Variants in FYN observed in about 807,000 individuals in gnomAD.
The protein encoded by FYN is tyrosine-protein kinase Fyn.
FYN carries 10 observed loss-of-function variants against 70.2 expected under a neutral mutation model. That is an observed-to-expected ratio of 0.14 (90% confidence interval 0.09 to 0.24). The LOEUF is 0.24. Ranked by LOEUF, FYN falls within the 10% of genes least tolerant of loss-of-function variation. The probability of loss-of-function intolerance (pLI) is 1.00; values close to 1 mark genes in which losing one functional copy is unlikely to be tolerated. For missense variants in FYN, 319 were observed against 673.1 expected, an observed-to-expected ratio of 0.47 and a Z score of 5.82; for synonymous variants, 236 against 248.6, an observed-to-expected ratio of 0.95 and a Z score of 0.48.
chr6:111,713,347 C>G, intron 5 of FYN, among the ~76,000 whole-genome samples: 1 of 152,178 alleles, frequency 6.6e-6, no homozygotes, highest in South Asian at 2.1e-4. Flanking sequence ...TCTGGGAAAG[C>G]TGAGGAGCCT....
At chr6:111,718,342 C>G (rs956870464) in intron 4 of FYN, among the ~76,000 whole-genome samples, 2 of 152,232 alleles carry the variant, frequency 1.3e-5, no homozygotes, top group African/African-American at 4.8e-5. Flanking sequence ...GCAGAAAAAT[C>G]TGCCAACATT....
intron 2 of FYN, among the ~76,000 whole-genome samples, chr6:111,809,838 T>A (rs1295667087): frequency 6.6e-6 from 1 of 152,230 alleles, no homozygotes; most frequent in Non-Finnish European, 1.5e-5. Flanking sequence ...GGAAAATATA[T>A]ATTTTCCCTT....
rs1478073622 is a variant in FYN, at chr6:111,694,430, A to G, written c.1218T>C (p.Ile406=). Residue 406 remains isoleucine (I), a synonymous_variant, in exon 12 of 14, where the codon ATT becomes ATC. Transcript: ENST00000354650. The surrounding 1 kb of genome is among the most constrained non-coding windows in gnomAD (Gnocchi z 5.0). ...TCAATCGGGCCAATCCGAAGTCAGC[A>G]ATCTTGCATATGAGTCCATTCCCCA... The part of the protein sequence containing the change: ...ILVGNGLICK[I]ADFGLARLIE... 1.9e-6 allele frequency: 3 copies of G among 1,614,236 alleles called. No homozygotes were observed. The highest frequency in any genetic ancestry group is 1.7e-6 in the Non-Finnish European group (2 of 1,180,038).
chr6:111,773,310 A>C (rs1412793776), intron 3 of FYN, among the ~76,000 whole-genome samples: 1 of 103,966 alleles, frequency 9.6e-6, no homozygotes, highest in Admixed American at 1.1e-4. Flanking sequence ...GGAGGGAGGG[A>C]AAGAGGGGAG....
At chr6:111,690,269 G>T (rs1488377652) in intron 12 of FYN, among the ~76,000 whole-genome samples, 3 of 152,110 alleles carry the variant, frequency 2.0e-5, no homozygotes, top group African/African-American at 4.8e-5. Flanking sequence ...GTGCAGTGGT[G>T]GGGTAGGGAG....
intron 2 of FYN, among the ~76,000 whole-genome samples, chr6:111,832,555 T>C (rs1164249168): frequency 6.6e-6 from 1 of 152,168 alleles, no homozygotes; most frequent in Non-Finnish European, 1.5e-5. Context: ...TGCTTTTTTT[T>C]CTATTTAACA....
intron 12 of FYN, among the ~76,000 whole-genome samples, chr6:111,677,653 T>C (rs1003012270): frequency 2.0e-5 from 3 of 152,216 alleles, no homozygotes; most frequent in African/African-American, 7.2e-5. Context: ...GTTAGGAGAC[T>C]TCAGACACCT....
intron 2 of FYN, among the ~76,000 whole-genome samples, chr6:111,801,165 G>A (rs900024415): frequency 2.0e-5 from 3 of 152,176 alleles, no homozygotes; most frequent in East Asian, 1.9e-4. Flanking sequence ...TGTGTGCACC[G>A]CTGGCGATGC....
At chr6:111,829,886 T>C (rs1772961914) in intron 2 of FYN, among the ~76,000 whole-genome samples, 1 of 152,104 alleles carries the variant, frequency 6.6e-6, no homozygotes, top group African/African-American at 2.4e-5. Context: ...CAGATCACTG[T>C]CTCCATGCTC....
intron 3 of FYN, among the ~76,000 whole-genome samples, chr6:111,721,116 T>C (rs377207201): frequency 6.6e-6 from 1 of 152,182 alleles, no homozygotes; most frequent in Non-Finnish European, 1.5e-5. Context: ...GACGTATCCA[T>C]GTCCTAGTTA....
chr6:111,676,854 A>T (rs1798547158), intron 12 of FYN, among the ~76,000 whole-genome samples: 1 of 152,206 alleles, frequency 6.6e-6, no homozygotes. Flanking sequence ...GTGACTATTT[A>T]AAATTTGGAT....
chr6:111,809,747 T>C lies in FYN; in HGVS notation c.-81-29112A>G, dbSNP rs539516749. 4.7e-4 allele frequency among the ~76,000 whole-genome samples: 72 copies of C among 152,344 alleles called. 1 individual carries two copies. The highest frequency in any genetic ancestry group is 3.4e-3 in the Middle Eastern group (1 of 294). On this transcript the variant is annotated intron_variant, in intron 2 of 13. Transcript: ENST00000354650. The stretch of plus-strand genomic sequence containing the variant: ...CTTATTGATTTTAATGGTTATCATT[T>C]CTATCAAAGAATATCGGTTTTCTAC...
intron 6 of FYN, among the ~76,000 whole-genome samples, chr6:111,705,165 G>A (rs963780535): frequency 5.3e-5 from 8 of 152,108 alleles, no homozygotes; most frequent in African/African-American, 1.9e-4. Context: ...TGTATATGAA[G>A]ATAATCAAGC....
chr6:111,701,426 G>C (rs759145198), intron 8 of FYN, among the ~76,000 whole-genome samples: 5 of 152,136 alleles, frequency 3.3e-5, no homozygotes, highest in Non-Finnish European at 7.3e-5. Flanking sequence ...CTTTCTTTTT[G>C]ATGGAATCAG....
Position 111,864,305 on chromosome 6 carries a change from T to C in FYN, c.-123+8663A>G, listed in dbSNP as rs1367842182. Among the ~76,000 whole-genome samples the C allele has an allele frequency of 4.6e-5, 7 of 152,306 alleles. No homozygotes were observed. The East Asian group carries it at 9.6e-4, about 21-fold the overall frequency. On this transcript the variant is annotated intron_variant, in intron 1 of 13. Coordinates refer to ENST00000354650, the MANE Select transcript of FYN (RefSeq NM_002037.5). ...TAGATGTTGGAGCCAGACTGCTGTG[T>C]TCAGATCCCAGCTCTGTCACTTACT...
At chr6:111,807,987 A>C (rs1221648194) in intron 2 of FYN, among the ~76,000 whole-genome samples, 1 of 152,190 alleles carries the variant, frequency 6.6e-6, no homozygotes, top group African/African-American at 2.4e-5. Flanking sequence ...ATGCACCTGT[A>C]GTCCCAGCTA....
chr6:111,808,745 G>A lies in FYN; in HGVS notation c.-81-28110C>T, dbSNP rs142835887. On this transcript the variant is annotated intron_variant, in intron 2 of 13. Coordinates refer to ENST00000354650, the MANE Select transcript of FYN (RefSeq NM_002037.5). ...AAACCCTCACCACCATCATCACACAGGACAGCAGCTAAAGGCTGTGCCACA... is the reference window on the plus strand; with the variant it reads ...AAACCCTCACCACCATCATCACACAAGACAGCAGCTAAAGGCTGTGCCACA... Among the ~76,000 whole-genome samples, 885 of 152,228 alleles carry A rather than the reference G, an allele frequency of 5.8e-3. 8 individuals carry two copies. Among genetic ancestry groups the A allele is most frequent in the African/African-American group, 0.02 (848 of 41,526 alleles).
intron 1 of FYN, among the ~76,000 whole-genome samples, chr6:111,861,629 T>C (rs748200178): frequency 1.3e-5 from 2 of 152,152 alleles, no homozygotes; most frequent in South Asian, 2.1e-4. Flanking sequence ...CTATCCCAGA[T>C]ACATTAAACC....
intron 1 of FYN, among the ~76,000 whole-genome samples, chr6:111,868,857 G>A (rs181453130): frequency 2.6e-5 from 4 of 152,236 alleles, no homozygotes; most frequent in African/African-American, 9.6e-5. Context: ...TGTTAAGATC[G>A]GAGCTTAAAC....
Sources: gnomAD v4.1 joint callset for allele counts (sites outside exome capture counted in the v4.1 genomes callset) on GRCh38, gnomAD v4.1.1 for gene constraint, Gnocchi (gnomAD v3.1) non-coding constraint, MANE v1.5 for transcripts, NCBI Gene and HGNC (gene_info 2026-07-23, HGNC 2026-07-21) for gene names.